Variants in ZBTB17 observed in about 807,000 individuals in gnomAD.
ZBTB17 encodes zinc finger and BTB domain-containing protein 17.
In ZBTB17, 24 loss-of-function variants were observed where a neutral mutation model predicts 85.1. That is an observed-to-expected ratio of 0.28 (90% CI 0.20 to 0.40). ZBTB17 has a LOEUF of 0.40. Ranked by LOEUF, ZBTB17 falls within the 10% of genes least tolerant of loss-of-function variation. The pLI is 1.00. For missense variants in ZBTB17, 743 were observed against 1,105.1 expected, an observed-to-expected ratio of 0.67 and a Z score of 4.65; for synonymous variants, 464 against 460.2, an observed-to-expected ratio of 1.01 and a Z score of -0.11.
At chr1:15,944,645 G>C (rs367950872) in intron 8 of ZBTB17, 45 bp from the exon 9 acceptor site, 288 of 1,601,202 alleles carry the variant, frequency 1.8e-4, no homozygotes, top group Non-Finnish European at 2.3e-4. Flanking sequence ...GCTGGGGCGT[G>C]AAAGGCCGGG....
rs768667946 is a variant in ZBTB17 at position 15,943,387 on chromosome 1, AG to A, written c.1697+11del. On this transcript the variant is annotated intron_variant, in intron 12 of 15. Transcript: ENST00000375743. ...GGTGTCTGGCCAGTGGGTGTGGGGG[AG>A]GGGGCAGGACCTCTTGCCGCAGCGC... The A allele has an allele frequency of 2.5e-6, 4 of 1,584,676 alleles. No individual in the cohort carries two copies. The highest frequency in any genetic ancestry group is 4.5e-5 in the East Asian group (2 of 44,528).
At position 15,953,933 on chromosome 1, in the gene ZBTB17, C is replaced by T. The variant is rs902671484; in HGVS notation, c.-2-5436G>A. The stretch of plus-strand genomic sequence containing the variant: ...CAGATGATAGTTTCATTTTTTTAGG[C>T]CAAAGTCTTTATCAGATGGTTTCTA... On this transcript the variant is annotated intron_variant, in intron 2 of 15. Coordinates refer to ENST00000375743, the MANE Select transcript of ZBTB17 (RefSeq NM_003443.3). The surrounding 1 kb of genome is among the most constrained non-coding windows in gnomAD (Gnocchi z 5.1). 4.6e-5 allele frequency among the ~76,000 whole-genome samples: 7 copies of T among 152,140 alleles called. No homozygotes were observed. Among genetic ancestry groups the T allele is most frequent in the African/African-American group, 1.4e-4 (6 of 41,424 alleles).
At chr1:15,972,232 G>C (rs2072714808) in intron 2 of ZBTB17, among the ~76,000 whole-genome samples, 1 of 152,212 alleles carries the variant, frequency 6.6e-6, no homozygotes, top group African/African-American at 2.4e-5. Flanking sequence ...CCAGCACAAT[G>C]CCTGACACAT....
chr1:15,969,893 G>C lies in ZBTB17; in HGVS notation c.-3+3146C>G, dbSNP rs144919037. On this transcript the variant is annotated intron_variant, in intron 2 of 15. Transcript: ENST00000375743. The stretch of plus-strand genomic sequence containing the variant: ...GTAAAATTCCCCTTAGACAGACGGA[G>C]GCAGCTAGGACTCTGGAGTCAGGTG... The C allele has an allele frequency of 9.9e-4, 621 of 625,984 alleles. 2 individuals carry two copies. The African/African-American group carries it at 0.01, about 10-fold the overall frequency. 38.8% of individuals were successfully genotyped at this position (625,984 alleles called of 1,614,324 possible). A position where few individuals can be genotyped will look rare whatever the true frequency, so the allele number is the denominator to read the frequency against.
At chr1:15,942,781 G>A (rs759211759) in intron 13 of ZBTB17, 43 bp from the exon 14 acceptor site, 14 of 1,599,738 alleles carry the variant, frequency 8.8e-6, no homozygotes, top group Admixed American at 5.1e-5. Flanking sequence ...GGAAGGGGCC[G>A]CAGGGATGGG....
chr1:15,955,297 T>A (rs1485748994), intron 2 of ZBTB17, among the ~76,000 whole-genome samples: 2 of 152,252 alleles, frequency 1.3e-5, no homozygotes, highest in Non-Finnish European at 2.9e-5. Context: ...GTGCAAGACA[T>A]GGCAGAGAAG....
intron 3 of ZBTB17, 104 bp from the exon 4 acceptor site, chr1:15,947,227 C>G (rs1027909537): frequency 1.3e-5 from 16 of 1,230,364 alleles, no homozygotes; most frequent in Non-Finnish European, 1.7e-5. Context: ...TTAGGAACAG[C>G]TGAGTGGCAA....
At chr1:15,959,257 C>G (rs949853135) in intron 2 of ZBTB17, among the ~76,000 whole-genome samples, 5 of 152,056 alleles carry the variant, frequency 3.3e-5, no homozygotes, top group African/African-American at 1.2e-4. Context: ...AACTATGAGC[C>G]CAGGCTAAGA....
intron 2 of ZBTB17, among the ~76,000 whole-genome samples, chr1:15,950,300 T>C (rs1184295723): frequency 6.6e-6 from 1 of 152,232 alleles, no homozygotes; most frequent in Non-Finnish European, 1.5e-5. Context: ...TCCTATGCAC[T>C]GGACATGGGG....
intron 2 of ZBTB17, among the ~76,000 whole-genome samples, chr1:15,960,452 C>T (rs1024430225): frequency 1.3e-4 from 20 of 152,326 alleles, no homozygotes; most frequent in African/African-American, 4.8e-4. Context: ...GAGCCCAATG[C>T]TGTCATCCTT....
At position 15,944,108 on chromosome 1, in the gene ZBTB17, G is replaced by A. The variant is rs1453177911; in HGVS notation, c.1371+192C>T. ...TCAGGACCAAACCCCGCCCTGAGTC[G>A]GCCTGCCCTCCGCAGAGCAACCGGG... On this transcript the variant is annotated intron_variant, in intron 9 of 15. Coordinates refer to ENST00000375743, the MANE Select transcript of ZBTB17 (RefSeq NM_003443.3). 2.9e-6 allele frequency: 3 copies of A among 1,042,916 alleles called. No individual in the cohort carries two copies. The Admixed American group carries it at 6.0e-5, about 21-fold the overall frequency. The allele number at this position is 1,042,916 out of a possible 1,614,324, so 64.6% of individuals were successfully genotyped here.
chr1:15,971,390 T>TAC (rs1335099153), intron 2 of ZBTB17, among the ~76,000 whole-genome samples: 2 of 148,206 alleles, frequency 1.3e-5, no homozygotes, highest in South Asian at 4.2e-4. Context: ...ACTATATATA[T>TAC]ATACACACTA....
At chr1:15,946,319 G>A (rs754918166) in intron 4 of ZBTB17, 25 bp from the exon 5 acceptor site, 1 of 1,594,972 alleles carries the variant, frequency 6.3e-7, no homozygotes, top group Non-Finnish European at 8.6e-7. Flanking sequence ...GGGCAGACCT[G>A]CCGTTTCCCA....
In ZBTB17 at chr1:15,976,063, A is replaced by G; in HGVS notation, c.-170T>C. 2 of 689,696 alleles carry G rather than the reference A, an allele frequency of 2.9e-6. No homozygotes were observed. The highest frequency in any genetic ancestry group is 5.3e-6 in the Non-Finnish European group (2 of 378,924). 42.7% of individuals were successfully genotyped at this position (689,696 alleles called of 1,614,324 possible). On this transcript the variant is annotated 5_prime_UTR_variant, in exon 1 of 16. Coordinates refer to ENST00000375743, the MANE Select transcript of ZBTB17 (RefSeq NM_003443.3). Reference sequence around the variant, plus strand: ...CGGGGACGGCACTCCAGAGCAGACAAAGGGCGCCGCCATGTTAGAGTCGGG... The same window carrying G: ...CGGGGACGGCACTCCAGAGCAGACAGAGGGCGCCGCCATGTTAGAGTCGGG...
intron 6 of ZBTB17, 120 bp from the exon 7 acceptor site, chr1:15,945,322 C>T (rs1171197319): frequency 1.2e-5 from 18 of 1,455,336 alleles, no homozygotes; most frequent in Non-Finnish European, 1.4e-5. Context: ...GGAAAGCCCC[C>T]GGGGGGGCCT....
chr1:15,960,051 C>A (rs1306269926), intron 2 of ZBTB17, among the ~76,000 whole-genome samples: 1 of 152,232 alleles, frequency 6.6e-6, no homozygotes, highest in African/African-American at 2.4e-5. Context: ...CGTGCTCAAA[C>A]AGAGGAAGCC....
chr1:15,971,991 T>C (rs1258481531), intron 2 of ZBTB17, among the ~76,000 whole-genome samples: 1 of 152,002 alleles, frequency 6.6e-6, no homozygotes, highest in African/African-American at 2.4e-5. Flanking sequence ...CCCAGAGTCC[T>C]AGCTGCCTCT....
At chr1:15,968,072 C>A (rs953812789) in intron 2 of ZBTB17, among the ~76,000 whole-genome samples, 15 of 152,162 alleles carry the variant, frequency 9.9e-5, no homozygotes, top group Admixed American at 6.6e-4. Flanking sequence ...ACCCACCCCC[C>A]ACAACAAAGA....
chr1:15,970,277 C>T (rs528973699), intron 2 of ZBTB17: 4 of 343,920 alleles, frequency 1.2e-5, no homozygotes, highest in Admixed American at 9.7e-5. Context: ...CTGAGCAGCC[C>T]TCATGGGAAG....
Sources: gnomAD v4.1 joint callset for allele counts (sites outside exome capture counted in the v4.1 genomes callset) on GRCh38, gnomAD v4.1.1 for gene constraint, Gnocchi (gnomAD v3.1) non-coding constraint, MANE v1.5 for transcripts, NCBI Gene and HGNC (gene_info 2026-07-23, HGNC 2026-07-21) for gene names.